The following CASZ1 variants were observed in gnomAD, a reference collection of about 807,000 sequenced individuals.
CASZ1 encodes castor zinc finger 1.
A neutral mutation model predicts 135.2 loss-of-function variants in CASZ1; 28 were observed. The observed-to-expected ratio is 0.21, with a 90% CI of 0.15 to 0.28. CASZ1 has a LOEUF of 0.28. Among genes scored for constraint, CASZ1 ranks in the 10% least tolerant of loss-of-function variants. CASZ1 has a pLI of 1.00. For missense variants in CASZ1, 2,161 were observed against 2,453.3 expected (o/e 0.88, Z 2.52); for synonymous variants, 1,068 against 1,073.4 (o/e 0.99, Z 0.10).
At position 10,776,829 on chromosome 1, in the gene CASZ1, G is replaced by A. The variant is rs115001263; in HGVS notation, c.-233-15972C>T. On this transcript the variant is annotated intron_variant, in intron 1 of 20. Transcript: ENST00000377022. The surrounding 1 kb of genome is among the most constrained non-coding windows in gnomAD (Gnocchi z 4.1). Reference sequence around the variant, plus strand: ...GGGAGGTGGCTGCTTGCCAGCGATGGAGATGGGGCTAGAACCACCTCACCT... The same window carrying A: ...GGGAGGTGGCTGCTTGCCAGCGATGAAGATGGGGCTAGAACCACCTCACCT... Among the ~76,000 whole-genome samples the A allele has an allele frequency of 7.9e-3, 1,210 of 152,302 alleles. 8 individuals are homozygous for A. The highest frequency in any genetic ancestry group is 0.051 in the Middle Eastern group (15 of 294).
At chr1:10,690,559 G>T (rs1253456360) in intron 4 of CASZ1, among the ~76,000 whole-genome samples, 1 of 152,202 alleles carries the variant, frequency 6.6e-6, no homozygotes, top group Non-Finnish European at 1.5e-5. Context: ...AATGCAAGGG[G>T]GTCCTGGCCT....
intron 1 of CASZ1, among the ~76,000 whole-genome samples, chr1:10,784,927 G>C (rs1640828202): frequency 6.6e-6 from 1 of 152,182 alleles, no homozygotes; most frequent in Non-Finnish European, 1.5e-5. Context: ...CCTGCCATGA[G>C]AGGCCCCACC....
intron 1 of CASZ1, among the ~76,000 whole-genome samples, chr1:10,761,720 A>G (rs1030633944): frequency 1.3e-5 from 2 of 152,180 alleles, no homozygotes; most frequent in Non-Finnish European, 2.9e-5. Context: ...TATTTTCAGC[A>G]TTTTTAGAAA....
chr1:10,725,463 C>T lies in CASZ1; in HGVS notation c.-76-19919G>A, dbSNP rs149086674. ...ACTTTCCTCTTTGCCAGACAGTTTGCAGATTGCTCTGTTGGCTCAATTTCT... is the reference window on the plus strand; with the variant it reads ...ACTTTCCTCTTTGCCAGACAGTTTGTAGATTGCTCTGTTGGCTCAATTTCT... On this transcript the variant is annotated intron_variant, in intron 2 of 20. Transcript: ENST00000377022. This position sits in a 1 kb window ranked among gnomAD's most constrained non-coding sequence, Gnocchi z 4.4. 9.9e-4 allele frequency among the ~76,000 whole-genome samples: 151 copies of T among 152,274 alleles called. No homozygotes were observed. Among genetic ancestry groups the T allele is most frequent in the African/African-American group, 3.4e-3 (141 of 41,564 alleles).
chr1:10,767,710 C>T lies in CASZ1; in HGVS notation c.-233-6853G>A, dbSNP rs2100587243. 6.6e-6 allele frequency among the ~76,000 whole-genome samples: 1 copy of T among 152,256 alleles called. No homozygotes were observed. Among genetic ancestry groups the T allele is most frequent in the East Asian group, 1.9e-4 (1 of 5,194 alleles). ...CCATCGCAGAAGATAATCGATAGAG[C>T]CCGTAATGAAAATCTGAGCCATATT... On this transcript the variant is annotated intron_variant, in intron 1 of 20. Coordinates refer to ENST00000377022, the MANE Select transcript of CASZ1 (RefSeq NM_001079843.3). The surrounding 1 kb of genome is among the most constrained non-coding windows in gnomAD (Gnocchi z 4.2).
In CASZ1 at chr1:10,767,031, A is replaced by G. The variant is rs577728696; in HGVS notation, c.-233-6174T>C. Among the ~76,000 whole-genome samples the G allele has an allele frequency of 3.3e-5, 5 of 152,256 alleles. No homozygotes were observed. The highest frequency in any genetic ancestry group is 1.2e-4 in the African/African-American group (5 of 41,558). On this transcript the variant is annotated intron_variant, in intron 1 of 20. Transcript: ENST00000377022. The surrounding 1 kb of genome is among the most constrained non-coding windows in gnomAD (Gnocchi z 4.2). ...CTGGCCTTAGAGGCAGAGTGGTGGGACCTAGACTCGCTCTTCCCAAACTTC... is the reference window on the plus strand; with the variant it reads ...CTGGCCTTAGAGGCAGAGTGGTGGGGCCTAGACTCGCTCTTCCCAAACTTC...
intron 4 of CASZ1, among the ~76,000 whole-genome samples, chr1:10,673,040 G>A (rs1422072077): frequency 6.6e-6 from 1 of 152,004 alleles, no homozygotes; most frequent in Non-Finnish European, 1.5e-5. Flanking sequence ...GCGTTGGGGT[G>A]CAGTGGCGAG....
intron 2 of CASZ1, among the ~76,000 whole-genome samples, chr1:10,708,874 T>G (rs1639226669): frequency 7.3e-6 from 1 of 137,472 alleles, no homozygotes; most frequent in South Asian, 2.4e-4. Context: ...GAGTGGGGCC[T>G]GGTGGGCTGG....
chr1:10,653,274 CACT>C, intron 11 of CASZ1, 100 bp downstream of exon 11: 1 of 1,169,344 alleles, frequency 8.6e-7, no homozygotes, highest in Non-Finnish European at 1.3e-6. Context: ...GCCACACGGA[CACT>C]TCTTCCAAAC....
chr1:10,715,728 A>T (rs1431571263), intron 2 of CASZ1, among the ~76,000 whole-genome samples: 6 of 123,722 alleles, frequency 4.8e-5, no homozygotes, highest in African/African-American at 1.3e-4. Flanking sequence ...TCCGCTCCCC[A>T]CAGCACCCAA....
rs552655189 is a variant in CASZ1 at position 10,699,347 on chromosome 1, A to G, written c.-23-5435T>C. Among the ~76,000 whole-genome samples the G allele has an allele frequency of 8.5e-5, 13 of 152,302 alleles. No individual in the cohort carries two copies. The highest frequency in any genetic ancestry group is 6.8e-3 in the Middle Eastern group (2 of 294). On this transcript the variant is annotated intron_variant, in intron 3 of 20. Transcript: ENST00000377022. The surrounding 1 kb of genome is among the most constrained non-coding windows in gnomAD (Gnocchi z 4.6). ...GGAAGTGCTGGCCACAACCCCAAAC[A>G]GTAGCCCCTCCTCTTCCCCCAACCC... is the stretch of plus-strand genomic sequence containing the variant.
At chr1:10,715,679 G>C (rs865957393) in intron 2 of CASZ1, among the ~76,000 whole-genome samples, 3 of 97,496 alleles carry the variant, frequency 3.1e-5, no homozygotes, top group African/African-American at 1.2e-4. Flanking sequence ...CACCCAATCC[G>C]CTCCCTGCAG....
Position 10,796,582 on chromosome 1 carries a change from T to G in CASZ1, c.-252A>C, listed in dbSNP as rs890561031. ...CTCTTACCTGCACTTGGGGCGGCTT[T>G]GGGTGACTTTCCAAGTCCGGGGGAA... On this transcript the variant is annotated 5_prime_UTR_variant, in exon 1 of 21. Transcript: ENST00000377022. 2.0e-5 allele frequency: 3 copies of G among 152,250 alleles called. No individual in the cohort carries two copies. Among genetic ancestry groups the G allele is most frequent in the African/African-American group, 4.8e-5 (2 of 41,456 alleles). The allele number at this position is 152,250 out of a possible 1,614,324, so 9.4% of individuals were successfully genotyped here.
intron 1 of CASZ1, among the ~76,000 whole-genome samples, chr1:10,784,964 C>T (rs1640829519): frequency 6.6e-6 from 1 of 152,198 alleles, no homozygotes; most frequent in Admixed American, 6.5e-5. Context: ...CTCCTCTGCT[C>T]CTTCACGGCC....
intron 1 of CASZ1, among the ~76,000 whole-genome samples, chr1:10,769,057 T>C (rs766756779): frequency 6.6e-6 from 1 of 152,176 alleles, no homozygotes; most frequent in African/African-American, 2.4e-5. Flanking sequence ...GGAGAATCAC[T>C]TGAACCTGGG....
chr1:10,778,832 G>T (rs1044977065), intron 1 of CASZ1, among the ~76,000 whole-genome samples: 1 of 152,258 alleles, frequency 6.6e-6, no homozygotes, highest in East Asian at 1.9e-4. Flanking sequence ...GCAGTTGGGC[G>T]TGACTGCCCA....
At chr1:10,696,638 C>A (rs1452034262) in intron 3 of CASZ1, among the ~76,000 whole-genome samples, 1 of 152,242 alleles carries the variant, frequency 6.6e-6, no homozygotes, top group Non-Finnish European at 1.5e-5. Context: ...CAATTCTGAG[C>A]CTCTGCTCTC....
In CASZ1 at chr1:10,735,156, T is replaced by C. The variant is rs1639773195; in HGVS notation, c.-77+25545A>G. The stretch of plus-strand genomic sequence containing the variant: ...GCACACAGGAGCCAAAGTAACTGAA[T>C]TTTGATGAAAAGACGGCGGTAATTT... On this transcript the variant is annotated intron_variant, in intron 2 of 20. Transcript: ENST00000377022. This position sits in a 1 kb window ranked among gnomAD's most constrained non-coding sequence, Gnocchi z 5.1. Among the ~76,000 whole-genome samples the C allele has an allele frequency of 6.6e-6, 1 of 152,234 alleles. No individual in the cohort carries two copies. Among genetic ancestry groups the C allele is most frequent in the Admixed American group, 6.5e-5 (1 of 15,282 alleles).
At chr1:10,668,565 G>A (rs1379214771) in intron 4 of CASZ1, among the ~76,000 whole-genome samples, 2 of 152,238 alleles carry the variant, frequency 1.3e-5, no homozygotes, top group Admixed American at 6.5e-5. Context: ...CTGGGCCGGG[G>A]CCTGGGACCC....
Sources: allele counts gnomAD v4.1 joint callset (sites outside exome capture counted in the v4.1 genomes callset), GRCh38; gene constraint gnomAD v4.1.1; non-coding constraint Gnocchi (gnomAD v3.1); transcripts MANE v1.5; gene names NCBI Gene and HGNC (gene_info 2026-07-23, HGNC 2026-07-21).